The following IMMP2L variants were observed in gnomAD, a reference collection of about 807,000 sequenced individuals.
IMMP2L encodes the protein inner mitochondrial membrane peptidase subunit 2.
Under a neutral mutation model 19.3 loss-of-function variants are expected in IMMP2L, and 18 were observed. The observed-to-expected ratio is 0.93, with a 90% CI of 0.64 to 1.38. The LOEUF (loss-of-function observed/expected upper bound fraction) is 1.38, where lower values mean the gene tolerates loss of function less well. IMMP2L is among the 40% of genes most tolerant of loss of function. The pLI, the probability that IMMP2L is intolerant of heterozygous loss-of-function variation, is 0.00. For synonymous variants in IMMP2L, 76 were observed against 73.0 expected (o/e 1.04, Z -0.21); for missense variants, 233 against 218.2 (o/e 1.07, Z -0.43).
At chr7:110,688,631 C>T (rs1173079096) in intron 5 of IMMP2L, among the ~76,000 whole-genome samples, 1 of 151,922 alleles carries the variant, frequency 6.6e-6, no homozygotes, top group Admixed American at 6.6e-5. Flanking sequence ...TGTATTCTGG[C>T]AATGTCCATT....
At chr7:111,334,007 TAAAC>T (rs1363145232) in intron 3 of IMMP2L, among the ~76,000 whole-genome samples, 1 of 152,066 alleles carries the variant, frequency 6.6e-6, no homozygotes, top group Non-Finnish European at 1.5e-5. Flanking sequence ...AACCTTTTCT[TAAAC>T]AACTCTTAGG....
chr7:111,065,436 T>A (rs1794400777), intron 3 of IMMP2L, among the ~76,000 whole-genome samples: 1 of 152,132 alleles, frequency 6.6e-6, no homozygotes, highest in African/African-American at 2.4e-5. Context: ...GGTAGACTTG[T>A]GATGATTAAT....
At chr7:111,157,404 A>G (rs1804760658) in intron 3 of IMMP2L, among the ~76,000 whole-genome samples, 1 of 152,160 alleles carries the variant, frequency 6.6e-6, no homozygotes, top group Admixed American at 6.6e-5. Context: ...ATAAAAAATA[A>G]TAAGATCTTG....
chr7:111,093,867 C>A (rs1438958816), intron 3 of IMMP2L, among the ~76,000 whole-genome samples: 3 of 152,054 alleles, frequency 2.0e-5, no homozygotes, highest in South Asian at 2.1e-4. Context: ...ATTCAAAGGA[C>A]CATTTTTTTC....
At chr7:111,251,628 C>T (rs1001785567) in intron 3 of IMMP2L, among the ~76,000 whole-genome samples, 14 of 152,190 alleles carry the variant, frequency 9.2e-5, no homozygotes, top group Non-Finnish European at 1.9e-4. Flanking sequence ...TTATCCTTAG[C>T]AAACTAACAC....
At chr7:110,822,171 C>T (rs1318258492) in intron 5 of IMMP2L, among the ~76,000 whole-genome samples, 2 of 152,106 alleles carry the variant, frequency 1.3e-5, no homozygotes, top group Non-Finnish European at 2.9e-5. Flanking sequence ...ATGACATCAA[C>T]AATTACTTAC....
intron 5 of IMMP2L, among the ~76,000 whole-genome samples, chr7:110,813,191 T>C (rs1802171181): frequency 6.6e-6 from 1 of 152,064 alleles, no homozygotes; most frequent in South Asian, 2.1e-4. Context: ...ACTTTCTAAA[T>C]CATCTTATTT....
At chr7:111,315,517 T>C (rs1823967726) in intron 3 of IMMP2L, among the ~76,000 whole-genome samples, 1 of 152,002 alleles carries the variant, frequency 6.6e-6, no homozygotes, top group Non-Finnish European at 1.5e-5. Context: ...TCTTAAAAAT[T>C]TACGTGGATA....
At chr7:111,398,882 CAAA>C (rs756718840) in intron 3 of IMMP2L, among the ~76,000 whole-genome samples, 2 of 104,748 alleles carry the variant, frequency 1.9e-5, no homozygotes, top group African/African-American at 6.6e-5. Flanking sequence ...ACAATAGCTG[CAAA>C]AAAAAAAAAA....
At chr7:111,289,766 G>A (rs1264341754) in intron 3 of IMMP2L, among the ~76,000 whole-genome samples, 2 of 151,630 alleles carry the variant, frequency 1.3e-5, no homozygotes, top group South Asian at 2.1e-4. Flanking sequence ...GCGCGATCTC[G>A]GCTCTGCCTC....
At chr7:110,943,837 A>C (rs1816971094) in intron 4 of IMMP2L, among the ~76,000 whole-genome samples, 1 of 152,038 alleles carries the variant, frequency 6.6e-6, no homozygotes, top group Non-Finnish European at 1.5e-5. Flanking sequence ...CAATCCCTGC[A>C]GCACTTATGC....
At chr7:111,264,182 A>G (rs1817603703) in intron 3 of IMMP2L, among the ~76,000 whole-genome samples, 1 of 152,160 alleles carries the variant, frequency 6.6e-6, no homozygotes, top group Admixed American at 6.6e-5. Flanking sequence ...AATCAGGGGG[A>G]AAAGTCTCAC....
chr7:110,730,931 G>A (rs1022121502), intron 5 of IMMP2L, among the ~76,000 whole-genome samples: 4 of 152,122 alleles, frequency 2.6e-5, no homozygotes, highest in African/African-American at 9.7e-5. Context: ...AAATTTACAT[G>A]TATCCTATTA....
intron 3 of IMMP2L, among the ~76,000 whole-genome samples, chr7:111,451,263 G>A (rs908473287): frequency 1.3e-5 from 2 of 149,046 alleles, no homozygotes; most frequent in African/African-American, 5.1e-5. Context: ...ACATGCACAC[G>A]TATGTTTATT....
At chr7:110,983,871 T>C (rs1414117266) in intron 3 of IMMP2L, among the ~76,000 whole-genome samples, 1 of 152,038 alleles carries the variant, frequency 6.6e-6, no homozygotes, top group African/African-American at 2.4e-5. Context: ...TTTTAAGCTC[T>C]GTAGATTTTC....
chr7:110,898,411 A>G (rs1260090582), intron 4 of IMMP2L, among the ~76,000 whole-genome samples: 1 of 152,084 alleles, frequency 6.6e-6, no homozygotes, highest in Non-Finnish European at 1.5e-5. Flanking sequence ...TGCCGTTGCT[A>G]AGGGCCCTCA....
intron 3 of IMMP2L, among the ~76,000 whole-genome samples, chr7:111,356,079 T>A (rs1828669807): frequency 1.3e-5 from 2 of 151,886 alleles, no homozygotes; most frequent in Admixed American, 1.3e-4. Context: ...AAATTTAAAT[T>A]TAGAAAATTA....
At chr7:111,258,528 A>T (rs1405095834) in intron 3 of IMMP2L, among the ~76,000 whole-genome samples, 1 of 152,036 alleles carries the variant, frequency 6.6e-6, no homozygotes, top group East Asian at 1.9e-4. Flanking sequence ...TTTTTTTGAA[A>T]AAGAATCTTG....
chr7:110,867,859 C>T (rs973305697), intron 5 of IMMP2L, among the ~76,000 whole-genome samples: 4 of 151,956 alleles, frequency 2.6e-5, no homozygotes, highest in East Asian at 1.9e-4. Flanking sequence ...ATTTCTGAAA[C>T]GCCTGAATTC....
Sources: allele counts gnomAD v4.1 joint callset (sites outside exome capture counted in the v4.1 genomes callset), GRCh38; gene constraint gnomAD v4.1.1; transcripts MANE v1.5; gene names NCBI Gene and HGNC (gene_info 2026-07-23, HGNC 2026-07-21).